The following RCN1 variants were observed in gnomAD, a reference collection of about 807,000 sequenced individuals.
RCN1 encodes the protein reticulocalbin-1.
RCN1 carries 14 observed loss-of-function variants against 34.7 expected under a neutral mutation model. That is an observed-to-expected ratio of 0.40 (90% CI 0.27 to 0.63). The LOEUF (loss-of-function observed/expected upper bound fraction) is 0.63, where lower values mean the gene tolerates loss of function less well. Among genes scored for constraint, RCN1 ranks in the 30% least tolerant of loss-of-function variants. The pLI is 0.37. For missense variants in RCN1, 326 were observed against 425.1 expected (o/e 0.77, Z 2.05); for synonymous variants, 125 against 165.5 (o/e 0.76, Z 1.88).
chr11:32,094,893 C>G (rs1851955614), intron 1 of RCN1, among the ~76,000 whole-genome samples: 1 of 152,164 alleles, frequency 6.6e-6, no homozygotes, highest in African/African-American at 2.4e-5. Flanking sequence ...CAGGATCTCC[C>G]TTGACATTGT....
chr11:32,098,449 A>G lies in RCN1; in HGVS notation c.548A>G (p.Asp183Gly). The G allele has an allele frequency of 6.2e-7, 1 of 1,614,118 alleles. No individual in the cohort carries two copies. Among genetic ancestry groups the G allele is most frequent in the East Asian group, 2.2e-5 (1 of 44,874 alleles). Residue 183 changes from aspartate (D) to glycine (G), a missense_variant, in exon 3 of 6, where the codon GAC becomes GGC. Transcript: ENST00000054950. ...TTCAAAGCTGCAGACCTCAATGGTG[A>G]CCTGACAGCTACTCGGGAGGAGTTC... ...RRFKAADLNG[D>G]LTATREEFTA...
At chr11:32,098,306 G>C in intron 2 of RCN1, 44 bp from the exon 3 acceptor site, 1 of 1,555,538 alleles carries the variant, frequency 6.4e-7, no homozygotes, top group Non-Finnish European at 8.7e-7. Flanking sequence ...CGCCTTTCTT[G>C]ACCGCACGGT....
At chr11:32,093,933 C>T (rs1048883516) in intron 1 of RCN1, among the ~76,000 whole-genome samples, 5 of 152,050 alleles carry the variant, frequency 3.3e-5, no homozygotes, top group African/African-American at 1.2e-4. Context: ...CAGTGGGAGG[C>T]AGAACTGGCA....
chr11:32,097,119 CTTTTTTT>C lies in RCN1; in HGVS notation c.255-16_255-10del. ...CAGCCTTGTGCCTGTGTGTGGGTTT[CTTTTTTT>C]TTTTTTTTGTACTGCAGGAAGATTG... is the stretch of plus-strand genomic sequence containing the variant. On this transcript the variant is annotated intron_variant, in intron 1 of 5. Coordinates refer to ENST00000054950, the MANE Select transcript of RCN1 (RefSeq NM_002901.4). 1 of 1,305,952 alleles carries C rather than the reference CTTTTTTT, an allele frequency of 7.7e-7. No homozygotes were observed. The highest frequency in any genetic ancestry group is 1.0e-6 in the Non-Finnish European group (1 of 1,004,702). The allele number at this position is 1,305,952 out of a possible 1,614,324, so 80.9% of individuals were successfully genotyped here.
intron 3 of RCN1, among the ~76,000 whole-genome samples, chr11:32,099,811 C>T (rs75905801): frequency 6.6e-6 from 1 of 152,156 alleles, no homozygotes; most frequent in African/African-American, 2.4e-5. Context: ...AAGGACTGGG[C>T]AGTGGCTCCA....
At chr11:32,094,142 C>T (rs557844396) in intron 1 of RCN1, among the ~76,000 whole-genome samples, 1 of 152,240 alleles carries the variant, frequency 6.6e-6, no homozygotes, top group East Asian at 1.9e-4. Context: ...AGCTGCCCCT[C>T]TGTCCAAAGC....
chr11:32,100,695 T>A, intron 4 of RCN1, 87 bp downstream of exon 4: 1 of 1,051,056 alleles, frequency 9.5e-7, no homozygotes, highest in Non-Finnish European at 1.5e-6. Context: ...CCCAGACGTC[T>A]CTTTTAGCAA....
chr11:32,098,930 C>T (rs1852004651), intron 3 of RCN1, among the ~76,000 whole-genome samples: 1 of 152,144 alleles, frequency 6.6e-6, no homozygotes, highest in African/African-American at 2.4e-5. Flanking sequence ...GTTTACTCTT[C>T]CGGCCAGGGA....
At chr11:32,093,536 T>G (rs1851942627) in intron 1 of RCN1, among the ~76,000 whole-genome samples, 1 of 152,166 alleles carries the variant, frequency 6.6e-6, no homozygotes, top group South Asian at 2.1e-4. Context: ...GATCAGAGTT[T>G]GTAGGATGAC....
chr11:32,099,592 G>A (rs907649066), intron 3 of RCN1, among the ~76,000 whole-genome samples: 1 of 152,282 alleles, frequency 6.6e-6, no homozygotes, highest in African/African-American at 2.4e-5. Flanking sequence ...GTAGTGTCTT[G>A]TTGGGTCCCA....
chr11:32,092,843 C>T (rs1851937203), intron 1 of RCN1, among the ~76,000 whole-genome samples: 1 of 152,100 alleles, frequency 6.6e-6, no homozygotes, highest in African/African-American at 2.4e-5. Flanking sequence ...CTCCTGGGGG[C>T]CTCCAAAGGC....
Position 32,103,359 on chromosome 11 carries a change from G to A in RCN1, c.767G>A (p.Arg256Gln), listed in dbSNP as rs560258489. 1.1e-5 allele frequency: 17 copies of A among 1,613,514 alleles called. No individual in the cohort carries two copies. Among genetic ancestry groups the A allele is most frequent in the Admixed American group, 1.7e-5 (1 of 60,030 alleles). Residue 256 changes from arginine (R) to glutamine (Q), a missense_variant, in exon 5 of 6, where the codon CGG (arginine) becomes CAG (glutamine). Coordinates refer to ENST00000054950, the MANE Select transcript of RCN1 (RefSeq NM_002901.4). ...GAACGGGAGCAGTTTAACGAATTCC[G>A]GGATCTGAACAAGGACGGGAAGTTA... ...LSEREQFNEF[R>Q]DLNKDGKLDK...
intron 1 of RCN1, 68 bp from the exon 2 acceptor site, chr11:32,097,076 C>G: frequency 7.6e-7 from 1 of 1,308,688 alleles, no homozygotes; most frequent in Admixed American, 3.4e-5. Flanking sequence ...CAGCATCACA[C>G]AAGCCTTGAT....
intron 4 of RCN1, chr11:32,102,084 T>G (rs1852050246): frequency 6.6e-6 from 1 of 151,952 alleles, no homozygotes; most frequent in African/African-American, 2.4e-5. Context: ...ACCCAATGTA[T>G]TGACTCGTCA....
intron 1 of RCN1, among the ~76,000 whole-genome samples, chr11:32,092,485 G>A (rs1483698065): frequency 6.6e-6 from 1 of 152,074 alleles, no homozygotes; most frequent in Non-Finnish European, 1.5e-5. Context: ...CAACTGATTT[G>A]TTTGGGGGGC....
chr11:32,096,315 T>C (rs1851972508), intron 1 of RCN1, among the ~76,000 whole-genome samples: 1 of 152,216 alleles, frequency 6.6e-6, no homozygotes, highest in Non-Finnish European at 1.5e-5. Context: ...GGTCTAGAGA[T>C]GACAAAAGTG....
At chr11:32,101,932 T>G (rs1328771208) in intron 4 of RCN1, 3 of 152,190 alleles carry the variant, frequency 2.0e-5, no homozygotes, top group Admixed American at 6.5e-5. Context: ...AACTGTGCAT[T>G]GAAATGGTGC....
Position 32,104,750 on chromosome 11 carries a change from T to C in RCN1, c.*278T>C. 1 of 304,922 alleles carries C rather than the reference T, an allele frequency of 3.3e-6. No individual in the cohort carries two copies. The allele number at this position is 304,922 out of a possible 1,614,324, so 18.9% of individuals were successfully genotyped here. A position where few individuals can be genotyped will look rare whatever the true frequency, so the allele number is the denominator to read the frequency against. The stretch of plus-strand genomic sequence containing the variant: ...ACATGACTTAAAACTTTTTTTTTTC[T>C]ATTAAAACTTAAAGGGGAACAAAAC... On this transcript the variant is annotated 3_prime_UTR_variant, in exon 6 of 6. Transcript: ENST00000054950.
chr11:32,098,340 C>T lies in RCN1; in HGVS notation c.449-10C>T. The stretch of plus-strand genomic sequence containing the variant: ...GTTTAAAAACATTTCTGCATACATA[C>T]ATCCTGCAGGAAACCCCGCAGAGTT... On this transcript the variant is annotated splice_polypyrimidine_tract_variant and intron_variant, in intron 2 of 5. Transcript: ENST00000054950. The T allele has an allele frequency of 1.2e-6, 2 of 1,605,086 alleles. No homozygotes were observed. The highest frequency in any genetic ancestry group is 1.7e-6 in the Non-Finnish European group (2 of 1,176,996).
Sources: gnomAD v4.1 joint callset for allele counts (sites outside exome capture counted in the v4.1 genomes callset) on GRCh38, gnomAD v4.1.1 for gene constraint, MANE v1.5 for transcripts, NCBI Gene and HGNC (gene_info 2026-07-23, HGNC 2026-07-21) for gene names.